Variants in RUNX2 observed in about 807,000 individuals in gnomAD.
RUNX2 encodes runt-related transcription factor 2.
Under a neutral mutation model 51.7 loss-of-function variants are expected in RUNX2, and 10 were observed. The ratio of observed to expected loss-of-function variants is 0.19; its 90% CI spans 0.12 to 0.33. RUNX2 has a LOEUF of 0.33. Among genes scored for constraint, RUNX2 ranks in the 10% least tolerant of loss-of-function variants. The probability of loss-of-function intolerance (pLI) is 1.00; values close to 1 mark genes in which losing one functional copy is unlikely to be tolerated. For synonymous variants in RUNX2, 276 were observed against 273.6 expected (o/e 1.01, Z -0.09); for missense variants, 562 against 691.3 (o/e 0.81, Z 2.10).
At chr6:45,390,408 C>G (rs959971588) in intron 2 of RUNX2, among the ~76,000 whole-genome samples, 5 of 152,162 alleles carry the variant, frequency 3.3e-5, no homozygotes, top group Non-Finnish European at 7.3e-5. Context: ...TTCTTCTGAA[C>G]AACTACAGGA....
intron 2 of RUNX2, among the ~76,000 whole-genome samples, chr6:45,366,543 A>T (rs892346430): frequency 2.6e-5 from 4 of 152,224 alleles, no homozygotes; most frequent in African/African-American, 9.6e-5. Context: ...TTAAAGAAGA[A>T]AAAAGAATTC....
At chr6:45,447,252 A>G (rs938786439) in intron 5 of RUNX2, among the ~76,000 whole-genome samples, 6 of 152,350 alleles carry the variant, frequency 3.9e-5, no homozygotes, top group Middle Eastern at 6.8e-3. Flanking sequence ...TGCCAACTTC[A>G]GGCATCACAG....
At chr6:45,545,761 TAATA>T (rs1168338587) in intron 8 of RUNX2, among the ~76,000 whole-genome samples, 1 of 152,168 alleles carries the variant, frequency 6.6e-6, no homozygotes, top group African/African-American at 2.4e-5. Flanking sequence ...AGAAAAATAA[TAATA>T]AACCCAATCT....
At chr6:45,514,412 T>C (rs1801257609) in intron 7 of RUNX2, among the ~76,000 whole-genome samples, 1 of 152,178 alleles carries the variant, frequency 6.6e-6, no homozygotes, top group Non-Finnish European at 1.5e-5. Context: ...TTTCCAGCCA[T>C]GTATCTATCT....
chr6:45,464,889 T>C (rs1436870217), intron 5 of RUNX2, among the ~76,000 whole-genome samples: 1 of 152,222 alleles, frequency 6.6e-6, no homozygotes, highest in Non-Finnish European at 1.5e-5. Context: ...CACAGTGGGA[T>C]TGTGGCAGCT....
intron 5 of RUNX2, among the ~76,000 whole-genome samples, chr6:45,446,019 T>C (rs1261549709): frequency 6.6e-6 from 1 of 152,192 alleles, no homozygotes; most frequent in Non-Finnish European, 1.5e-5. Context: ...TCTGTGGAAC[T>C]GATGCAAGGA....
intron 2 of RUNX2, among the ~76,000 whole-genome samples, chr6:45,360,768 C>T (rs1421123241): frequency 6.6e-6 from 1 of 152,090 alleles, no homozygotes; most frequent in Admixed American, 6.6e-5. Flanking sequence ...TTGAGGTGCT[C>T]GCAGAACACT....
At chr6:45,391,958 A>G (rs968179096) in intron 2 of RUNX2, among the ~76,000 whole-genome samples, 9 of 152,212 alleles carry the variant, frequency 5.9e-5, no homozygotes, top group African/African-American at 2.2e-4. Context: ...AAAACTATTT[A>G]ATCCATTTCA....
At chr6:45,512,979 T>C (rs1801205194) in intron 7 of RUNX2, among the ~76,000 whole-genome samples, 1 of 152,174 alleles carries the variant, frequency 6.6e-6, no homozygotes, top group South Asian at 2.1e-4. Flanking sequence ...GCAGACTTTC[T>C]GTGAAACATA....
At chr6:45,513,875 C>G (rs1299606450) in intron 7 of RUNX2, among the ~76,000 whole-genome samples, 1 of 152,150 alleles carries the variant, frequency 6.6e-6, no homozygotes, top group Non-Finnish European at 1.5e-5. Flanking sequence ...ATGAGTAAGG[C>G]ACAGTGGGGA....
chr6:45,459,023 T>G (rs1227585539), intron 5 of RUNX2, among the ~76,000 whole-genome samples: 1 of 152,238 alleles, frequency 6.6e-6, no homozygotes, highest in African/African-American at 2.4e-5. Flanking sequence ...ATTAATTTCC[T>G]TTTCCCTGTG....
chr6:45,430,574 G>A (rs1401452270), intron 3 of RUNX2, among the ~76,000 whole-genome samples: 2 of 152,122 alleles, frequency 1.3e-5, no homozygotes, highest in Non-Finnish European at 2.9e-5. Context: ...TAGGTATAGT[G>A]TGTATTATCA....
At position 45,422,603 on chromosome 6, in the gene RUNX2, C is replaced by G. The variant is rs1470911355; in HGVS notation, c.69C>G (p.Thr23=). Residue 23 remains threonine (T), a synonymous_variant, in exon 3 of 9, where the codon ACC becomes ACG. Coordinates refer to ENST00000647337, the MANE Select transcript of RUNX2 (RefSeq NM_001024630.4). ...CQQNFFWDPS[T]SRRFSPPSSS... is the part of the protein sequence containing the mutation. ...TGCGTATTCCCGTAGATCCGAGCAC[C>G]AGCCGGCGCTTCAGCCCCCCCTCCA... 8 of 1,606,150 alleles carry G rather than the reference C, an allele frequency of 5.0e-6. No individual in the cohort carries two copies. Among genetic ancestry groups the G allele is most frequent in the Non-Finnish European group, 6.8e-6 (8 of 1,177,156 alleles).
intron 5 of RUNX2, among the ~76,000 whole-genome samples, chr6:45,446,801 A>T (rs546540062): frequency 2.0e-5 from 3 of 152,366 alleles, no homozygotes; most frequent in Non-Finnish European, 4.4e-5. Flanking sequence ...AAGCAGGTAT[A>T]AAAAATAATT....
chr6:45,365,094 A>G, intron 2 of RUNX2: 1 of 727,766 alleles, frequency 1.4e-6, no homozygotes. Context: ...CTTGATTAAT[A>G]ACAAATTATT....
intron 4 of RUNX2, among the ~76,000 whole-genome samples, chr6:45,435,258 G>T (rs888634325): frequency 6.6e-6 from 1 of 152,174 alleles, no homozygotes; most frequent in African/African-American, 2.4e-5. Flanking sequence ...CTGAATTTAG[G>T]GGAAGCATAG....
Position 45,383,355 on chromosome 6 carries a change from T to C in RUNX2, c.59-39238T>C, listed in dbSNP as rs1268484267. On this transcript the variant is annotated intron_variant, in intron 2 of 8. Transcript: ENST00000647337. ...GAGAGGCTGAGGCAGGAGAATCGCT[T>C]GGACCCAGGAGGCAGAGGTTGCAGT... Among the ~76,000 whole-genome samples, 4 of 152,246 alleles carry C rather than the reference T, an allele frequency of 2.6e-5. No homozygotes were observed. The East Asian group carries it at 7.7e-4, about 29-fold the overall frequency.
chr6:45,532,162 ATTTTT>A (rs3055521), intron 7 of RUNX2, among the ~76,000 whole-genome samples: 8 of 85,124 alleles, frequency 9.4e-5, no homozygotes, highest in South Asian at 4.3e-4. Context: ...GAAAACCTAG[ATTTTT>A]TTTTTTTTTT....
chr6:45,495,661 T>A (rs1200055632), intron 6 of RUNX2, among the ~76,000 whole-genome samples: 1 of 152,212 alleles, frequency 6.6e-6, no homozygotes, highest in African/African-American at 2.4e-5. Flanking sequence ...AAACTGTAGA[T>A]AATGATCATG....
Sources: allele counts gnomAD v4.1 joint callset (sites outside exome capture counted in the v4.1 genomes callset), GRCh38; gene constraint gnomAD v4.1.1; transcripts MANE v1.5; gene names NCBI Gene and HGNC (gene_info 2026-07-23, HGNC 2026-07-21).